Variants in NCOR1 observed in about 807,000 individuals in gnomAD.
The protein encoded by NCOR1 is nuclear receptor corepressor 1.
Under a neutral mutation model 288.1 loss-of-function variants are expected in NCOR1, and 63 were observed. The ratio of observed to expected loss-of-function variants is 0.22; its 90% CI spans 0.18 to 0.27. NCOR1 has a LOEUF of 0.27. NCOR1 is among the 10% of genes least tolerant of loss of function. NCOR1 has a pLI of 1.00. For missense variants in NCOR1, 2,397 were observed against 3,019.2 expected (o/e 0.79, Z 4.83); for synonymous variants, 1,007 against 1,065.9 (o/e 0.94, Z 1.08).
intron 26 of NCOR1, among the ~76,000 whole-genome samples, chr17:16,076,511 A>G (rs183112433): frequency 4.1e-4 from 63 of 152,352 alleles, no homozygotes; most frequent in Non-Finnish European, 7.3e-4. Flanking sequence ...AGAAGTTGCC[A>G]AAGAACTCAA....
rs12942295 is a variant in NCOR1 at position 16,070,530 on chromosome 17, A to T, written c.4153-5T>A. ...GTCAAACTTTATTGGTGTGCCCTAA[A>T]GGGAAAGAAACAAACATTACAGGTA... On this transcript the variant is annotated splice_region_variant and splice_polypyrimidine_tract_variant and intron_variant, in intron 30 of 45. Coordinates refer to ENST00000268712, the MANE Select transcript of NCOR1 (RefSeq NM_006311.4). The T allele has an allele frequency of 0.5, 810,957 of 1,611,370 alleles. 210,481 individuals carry two copies. Among genetic ancestry groups the T allele is most frequent in the Middle Eastern group, 0.56 (3,355 of 6,036 alleles).
In NCOR1 at chr17:16,127,371, A is replaced by ATGTATATATGTATGTATATATACATG. The variant is rs1568198936; in HGVS notation, c.1510-1191_1510-1166dup. 5.1e-5 allele frequency among the ~76,000 whole-genome samples: 4 copies of ATGTATATATGTATGTATATATACATG among 78,798 alleles called. 1 individual carries two copies. Among genetic ancestry groups the ATGTATATATGTATGTATATATACATG allele is most frequent in the South Asian group, 6.9e-4 (2 of 2,904 alleles). The allele number at this position is 78,798 out of a possible 152,430, so 51.7% of individuals were successfully genotyped here. A position where few individuals can be genotyped will look rare whatever the true frequency, so the allele number is the denominator to read the frequency against. The stretch of plus-strand genomic sequence containing the variant: ...TATATATGTATGTATATATACATGT[A>ATGTATATATGTATGTATATATACATG]TGTATATATGTATGTATATATACAT... On this transcript the variant is annotated intron_variant, in intron 14 of 45. Coordinates refer to ENST00000268712, the MANE Select transcript of NCOR1 (RefSeq NM_006311.4).
chr17:16,199,431 T>C (rs2090454012), intron 1 of NCOR1, among the ~76,000 whole-genome samples: 1 of 152,078 alleles, frequency 6.6e-6, no homozygotes, highest in Non-Finnish European at 1.5e-5. Flanking sequence ...TCAAAAGTCT[T>C]AAATGAAAGC....
chr17:16,111,503 G>A (rs908152055), intron 18 of NCOR1, among the ~76,000 whole-genome samples: 2 of 152,264 alleles, frequency 1.3e-5, no homozygotes, highest in South Asian at 4.2e-4. Flanking sequence ...TTGGGACACT[G>A]AGGCAGGAGT....
intron 21 of NCOR1, 48 bp from the exon 22 acceptor site, chr17:16,092,106 T>A: frequency 2.5e-6 from 4 of 1,589,154 alleles, no homozygotes; most frequent in Non-Finnish European, 3.4e-6. Flanking sequence ...AATGTAATAA[T>A]TGCCATCTCT....
At chr17:16,144,267 A>G (rs2077541969) in intron 10 of NCOR1, among the ~76,000 whole-genome samples, 1 of 152,222 alleles carries the variant, frequency 6.6e-6, no homozygotes, top group South Asian at 2.1e-4. Flanking sequence ...GGACTAAAGG[A>G]TATTTAGGTC....
In NCOR1 at chr17:16,101,235, T is replaced by C. The variant is rs773652384; in HGVS notation, c.2690+15A>G. On this transcript the variant is annotated intron_variant, in intron 20 of 45. Transcript: ENST00000268712. ...GCAGAGTAAGCACGGGGAGGACTTA[T>C]GGAACGAGCCTCACCTCTGCCTCTC... 7.9e-5 allele frequency: 123 copies of C among 1,559,444 alleles called. No individual in the cohort carries two copies. Among genetic ancestry groups the C allele is most frequent in the Middle Eastern group, 1.8e-4 (1 of 5,470 alleles).
chr17:16,094,074 GT>G (rs1051809684), intron 21 of NCOR1, among the ~76,000 whole-genome samples: 2 of 149,148 alleles, frequency 1.3e-5, no homozygotes, highest in South Asian at 2.1e-4. Context: ...ATTTTTTTTT[GT>G]TTTTTTTTGG....
intron 1 of NCOR1, among the ~76,000 whole-genome samples, chr17:16,209,599 C>CAT (rs1447765849): frequency 7.0e-6 from 1 of 143,846 alleles, no homozygotes; most frequent in Non-Finnish European, 1.5e-5. Flanking sequence ...AGCATGAATA[C>CAT]ATACAGAAAA....
intron 40 of NCOR1, among the ~76,000 whole-genome samples, chr17:16,056,767 C>G (rs2059975328): frequency 6.6e-6 from 1 of 152,134 alleles, no homozygotes; most frequent in South Asian, 2.1e-4. Flanking sequence ...TGCTCTTTAT[C>G]AGAGAGCCCT....
chr17:16,127,642 T>C (rs528344125), intron 14 of NCOR1, among the ~76,000 whole-genome samples: 38 of 147,320 alleles, frequency 2.6e-4, no homozygotes, highest in Non-Finnish European at 5.4e-4. Flanking sequence ...TATGTATATA[T>C]GTGTATGTGT....
Position 16,063,990 on chromosome 17 carries a change from T to C in NCOR1, c.5221+78A>G, listed in dbSNP as rs943196124. Reference sequence around the variant, plus strand: ...GAATTTTTGTTTCCATCAAAACTTTTTGTGCGCAGCATTAAGCACAGTGTA... The same window carrying C: ...GAATTTTTGTTTCCATCAAAACTTTCTGTGCGCAGCATTAAGCACAGTGTA... On this transcript the variant is annotated intron_variant, in intron 35 of 45. Coordinates refer to ENST00000268712, the MANE Select transcript of NCOR1 (RefSeq NM_006311.4). 26 of 1,441,740 alleles carry C rather than the reference T, an allele frequency of 1.8e-5. No homozygotes were observed. The African/African-American group carries it at 3.5e-4, about 19-fold the overall frequency. 89.3% of individuals were successfully genotyped at this position (1,441,740 alleles called of 1,614,324 possible). A position where few individuals can be genotyped will look rare whatever the true frequency, so the allele number is the denominator to read the frequency against.
chr17:16,066,072 T>C (rs1027468927), intron 32 of NCOR1, among the ~76,000 whole-genome samples: 1 of 152,214 alleles, frequency 6.6e-6, no homozygotes, highest in African/African-American at 2.4e-5. Context: ...CGAAAATACT[T>C]TGTGGCAATC....
At chr17:16,118,527 T>C (rs1049503663) in intron 17 of NCOR1, among the ~76,000 whole-genome samples, 3 of 152,232 alleles carry the variant, frequency 2.0e-5, no homozygotes, top group African/African-American at 2.4e-5. Context: ...AAAAATCCTA[T>C]GGTAATACAA....
At chr17:16,136,230 G>A (rs1346338521) in intron 14 of NCOR1, among the ~76,000 whole-genome samples, 1 of 152,186 alleles carries the variant, frequency 6.6e-6, no homozygotes, top group Non-Finnish European at 1.5e-5. Context: ...CTGTCACTCA[G>A]GCTGGAGTGC....
At chr17:16,077,409 C>T (rs1371460401) in intron 26 of NCOR1, among the ~76,000 whole-genome samples, 1 of 138,130 alleles carries the variant, frequency 7.2e-6, no homozygotes, top group African/African-American at 2.7e-5. Flanking sequence ...GTCAAAAAAG[C>T]AAGCAAGCAA....
chr17:16,182,548 G>A (rs180960771), intron 3 of NCOR1, among the ~76,000 whole-genome samples: 1,531 of 152,206 alleles, frequency 0.01, 26 homozygotes, highest in African/African-American at 0.035. Context: ...TCCGCCTCCC[G>A]GGTTCATGCC....
intron 19 of NCOR1, among the ~76,000 whole-genome samples, chr17:16,107,420 A>G (rs2153044067): frequency 6.6e-6 from 1 of 152,276 alleles, no homozygotes; most frequent in South Asian, 2.1e-4. Context: ...CACCCAAAGG[A>G]AAGGCCATGT....
In NCOR1 at chr17:16,121,316, T is replaced by C. The variant is rs766322232; in HGVS notation, c.1635-47A>G. 27 of 1,482,814 alleles carry C rather than the reference T, an allele frequency of 1.8e-5. No individual in the cohort carries two copies. The East Asian group carries it at 2.1e-4, about 12-fold the overall frequency. 91.9% of individuals were successfully genotyped at this position (1,482,814 alleles called of 1,614,324 possible). ...AACTTGTGTGATTCCAAAGTATACA[T>C]ACATCGAAGAAGGTTTTAGTTTTGA... On this transcript the variant is annotated intron_variant, in intron 15 of 45. Coordinates refer to ENST00000268712, the MANE Select transcript of NCOR1 (RefSeq NM_006311.4).
Sources: allele counts gnomAD v4.1 joint callset (sites outside exome capture counted in the v4.1 genomes callset), GRCh38; gene constraint gnomAD v4.1.1; transcripts MANE v1.5; gene names NCBI Gene and HGNC (gene_info 2026-07-23, HGNC 2026-07-21).